ABCF3: variants seen among roughly 807,000 people sequenced by gnomAD.
The protein encoded by ABCF3 is ATP binding cassette subfamily F member 3.
Under a neutral mutation model 94.3 loss-of-function variants are expected in ABCF3, and 62 were observed. The observed-to-expected ratio is 0.66, with a 90% CI of 0.54 to 0.81. The LOEUF is 0.81. ABCF3 is among the 40% of genes least tolerant of loss of function. ABCF3 has a pLI of 0.00. For missense variants in ABCF3, 843 were observed against 925.3 expected (o/e 0.91, Z 1.15); for synonymous variants, 355 against 361.1 (o/e 0.98, Z 0.19).
intron 11 of ABCF3, 38 bp downstream of exon 11, chr3:184,189,315 C>T (rs781261708): frequency 6.2e-7 from 1 of 1,614,170 alleles, no homozygotes; most frequent in South Asian, 1.1e-5. Flanking sequence ...TTAGGATGGG[C>T]AGGGGTGGTA....
rs567604834 is a variant in ABCF3, at chr3:184,186,955, G to A, written c.301+80G>A. On this transcript the variant is annotated intron_variant, in intron 3 of 20. Coordinates refer to ENST00000429586, the MANE Select transcript of ABCF3 (RefSeq NM_018358.3). The stretch of plus-strand genomic sequence containing the variant: ...AACCATCTGCTGCCTGCAGCTTAGG[G>A]CTCCTACGTCTTTTCCACAGGACAA... 2.3e-5 allele frequency: 33 copies of A among 1,419,502 alleles called. No homozygotes were observed. In the African/African-American group the frequency reaches 3.6e-4, roughly 15 times the overall value. 87.9% of individuals were successfully genotyped at this position (1,419,502 alleles called of 1,614,324 possible). A position where few individuals can be genotyped will look rare whatever the true frequency, so the allele number is the denominator to read the frequency against.
At chr3:184,188,493 T>C (rs1715796207) in intron 7 of ABCF3, 86 bp downstream of exon 7, 14 of 1,505,258 alleles carry the variant, frequency 9.3e-6, no homozygotes, top group Non-Finnish European at 1.2e-5. Context: ...AATTTGCATG[T>C]ACATCCTAGT....
intron 5 of ABCF3, 31 bp downstream of exon 5, chr3:184,187,792 G>A (rs1401712103): frequency 3.1e-6 from 5 of 1,614,064 alleles, no homozygotes; most frequent in Non-Finnish European, 3.4e-6. Flanking sequence ...TCAGAAGAGA[G>A]CAGAGCAGCT....
At chr3:184,189,360 C>G in intron 11 of ABCF3, 28 bp from the exon 12 acceptor site, 1 of 1,614,176 alleles carries the variant, frequency 6.2e-7, no homozygotes. Flanking sequence ...CCCTTCAATC[C>G]CAAGTGTGTG....
intron 3 of ABCF3, 180 bp from the exon 4 acceptor site, chr3:184,187,217 A>G (rs1715689605): frequency 2.7e-6 from 2 of 742,584 alleles, no homozygotes. Context: ...CTTCTACGTG[A>G]GTTTTGTTTT....
At position 184,189,667 on chromosome 3, in the gene ABCF3, C is replaced by G; in HGVS notation, c.1224C>G (p.Asp408Glu). 1 of 1,614,200 alleles carries G rather than the reference C, an allele frequency of 6.2e-7. No homozygotes were observed. The highest frequency in any genetic ancestry group is 8.5e-7 in the Non-Finnish European group (1 of 1,180,038). The change falls in exon 13 of 21, where the codon GAC becomes GAG. Residue 408 changes from aspartate (D) to glutamate (E), a missense_variant. Transcript: ENST00000429586. ...AGCGGCTAGATGGTTACCGGGGAGA[C>G]TTTGAGACCTTCATCAAGAGTAAGC... is the stretch of plus-strand genomic sequence containing the variant. ...HSQRLDGYRGDFETFIKSKQE... is the reference protein window; with the variant it reads ...HSQRLDGYRGEFETFIKSKQE...
Position 184,192,701 on chromosome 3 carries a change from C to A in ABCF3, c.1658+12C>A. 6.2e-7 allele frequency: 1 copy of A among 1,610,014 alleles called. No homozygotes were observed. On this transcript the variant is annotated intron_variant, in intron 17 of 20. Coordinates refer to ENST00000429586, the MANE Select transcript of ABCF3 (RefSeq NM_018358.3). ...AGACACGCTCACAGGTCAGGCCCAC[C>A]CGCACCCCTGCCCCCATGAGCACAT...
chr3:184,186,520 C>T lies in ABCF3; in HGVS notation c.87C>T (p.Ser29=), dbSNP rs757786697. 8 of 1,611,390 alleles carry T rather than the reference C, an allele frequency of 5.0e-6. No individual in the cohort carries two copies. Among genetic ancestry groups the T allele is most frequent in the South Asian group, 4.4e-5 (4 of 90,640 alleles). Residue 29 remains serine (S), a synonymous_variant, in exon 2 of 21, where the codon AGC becomes AGT. Transcript: ENST00000429586. ...CGCCCTGCCCAGGCGTCTTGCACAG[C>T]GGCAGCGCGGACTTCGAGTCTGTGG... ...VFDYVTGVLH[S]GSADFESVDD...
chr3:184,191,821 C>G (rs1339871808), intron 16 of ABCF3, among the ~76,000 whole-genome samples: 2 of 146,988 alleles, frequency 1.4e-5, no homozygotes, highest in Non-Finnish European at 3.0e-5. Context: ...AATCTTGGCT[C>G]ACCGCAGCTT....
chr3:184,188,812 G>A lies in ABCF3; in HGVS notation c.888G>A (p.Glu296=). 10 of 1,613,978 alleles carry A rather than the reference G, an allele frequency of 6.2e-6. No individual in the cohort carries two copies. The highest frequency in any genetic ancestry group is 8.5e-6 in the Non-Finnish European group (10 of 1,179,926). ...TGGCAGAAATCTATGCCAAACTGGA[G>A]GAGATTGAGGCTGACAAGGCACCTG... is the stretch of plus-strand genomic sequence containing the variant. ...AELAEIYAKL[E]EIEADKAPAR... Residue 296 remains glutamate, a synonymous_variant, in exon 8 of 21, where the codon GAG becomes GAA. Coordinates refer to ENST00000429586, the MANE Select transcript of ABCF3 (RefSeq NM_018358.3).
In ABCF3 at chr3:184,189,752, A is replaced by G. The variant is rs1230278563; in HGVS notation, c.1309A>G (p.Ile437Val). The change falls in exon 13 of 21, where the codon ATC (isoleucine) becomes GTC (valine). Residue 437 changes from isoleucine (I) to valine (V), a missense_variant. Transcript: ENST00000429586. ...GGCGCAGCAGCAGTATCGCCAGCAC[A>G]TCCAGGTGTGGGGCCTGGCAGGGCT... ...YEAQQQYRQH[I>V]QVFIDRFRYN... is the part of the protein sequence containing the mutation. The G allele has an allele frequency of 1.9e-6, 3 of 1,613,854 alleles. No homozygotes were observed. The highest frequency in any genetic ancestry group is 2.7e-5 in the African/African-American group (2 of 74,942).
At position 184,193,891 on chromosome 3, in the gene ABCF3, G is replaced by A. The variant is rs1477199734; in HGVS notation, c.*193G>A. 2 of 727,320 alleles carry A rather than the reference G, an allele frequency of 2.7e-6. No homozygotes were observed. Among genetic ancestry groups the A allele is most frequent in the Non-Finnish European group, 4.3e-6 (2 of 464,358 alleles). The allele number at this position is 727,320 out of a possible 1,614,324, so 45.1% of individuals were successfully genotyped here. On this transcript the variant is annotated 3_prime_UTR_variant, in exon 21 of 21. Coordinates refer to ENST00000429586, the MANE Select transcript of ABCF3 (RefSeq NM_018358.3). The surrounding 1 kb of genome is among the most constrained non-coding windows in gnomAD (Gnocchi z 5.2). ...CCCATCCAAGGGTTGGTGAGGACTG[G>A]TCTCCCGGGGGTGGGGGTCTGGGGG... is the stretch of plus-strand genomic sequence containing the variant.
chr3:184,187,646 A>G lies in ABCF3; in HGVS notation c.349-18A>G, dbSNP rs1715724774. 2.5e-6 allele frequency: 4 copies of G among 1,613,740 alleles called. No homozygotes were observed. The highest frequency in any genetic ancestry group is 1.3e-5 in the African/African-American group (1 of 74,888). On this transcript the variant is annotated intron_variant, in intron 4 of 20. Coordinates refer to ENST00000429586, the MANE Select transcript of ABCF3 (RefSeq NM_018358.3). Reference sequence around the variant, plus strand: ...GAGCCTACACCCGAGAGTGAAGTCGATGTGTTTGGACCCTTAGACAGTGAA... The same window carrying G: ...GAGCCTACACCCGAGAGTGAAGTCGGTGTGTTTGGACCCTTAGACAGTGAA...
intron 14 of ABCF3, chr3:184,190,169 G>T: frequency 1.7e-6 from 1 of 575,916 alleles, no homozygotes; most frequent in South Asian, 2.1e-5. Context: ...CTTATTCTGG[G>T]CATTTCATAT....
Position 184,192,860 on chromosome 3 carries a change from G to C in ABCF3, c.1714G>C (p.Val572Leu). 6.2e-7 allele frequency: 1 copy of C among 1,614,158 alleles called. No homozygotes were observed. The highest frequency in any genetic ancestry group is 8.5e-7 in the Non-Finnish European group (1 of 1,180,012). Residue 572 changes from valine (V) to leucine (L), a missense_variant, in exon 18 of 21, where the codon GTC (valine) becomes CTC (leucine). By Grantham distance (32) the Val-to-Leu change is conservative. Coordinates refer to ENST00000429586, the MANE Select transcript of ABCF3 (RefSeq NM_018358.3). ...CCATGTGGAGCAGCTGGACCTAAACGTCAGTGCTGTGGAACTGCTGGCACG... is the reference window on the plus strand; with the variant it reads ...CCATGTGGAGCAGCTGGACCTAAACCTCAGTGCTGTGGAACTGCTGGCACG... The part of the protein sequence containing the change: ...QHHVEQLDLN[V>L]SAVELLARKF...
chr3:184,193,730 G>A lies in ABCF3; in HGVS notation c.*32G>A. 3.9e-6 allele frequency: 6 copies of A among 1,555,342 alleles called. No homozygotes were observed. The highest frequency in any genetic ancestry group is 4.4e-6 in the Non-Finnish European group (5 of 1,148,984). ...CAGGCTGAGGACTCGCCCAGGACAT[G>A]GACTGGTCTCTCAGACCCCTGGGCC... On this transcript the variant is annotated 3_prime_UTR_variant, in exon 21 of 21. Transcript: ENST00000429586. The surrounding 1 kb of genome is among the most constrained non-coding windows in gnomAD (Gnocchi z 5.2).
At chr3:184,191,927 G>T (rs1168323877) in intron 16 of ABCF3, among the ~76,000 whole-genome samples, 1 of 151,834 alleles carries the variant, frequency 6.6e-6, no homozygotes, top group Non-Finnish European at 1.5e-5. Flanking sequence ...TGCATTTTTA[G>T]TAGAGATGGG....
rs998657560 is a variant in ABCF3 at position 184,193,366 on chromosome 3, C to T, written c.1885C>T (p.Pro629Ser). 6.2e-7 allele frequency: 1 copy of T among 1,614,144 alleles called. No individual in the cohort carries two copies. Among genetic ancestry groups the T allele is most frequent in the Non-Finnish European group, 8.5e-7 (1 of 1,180,022 alleles). ...VAFAQMTMPC[P>S]NFYILDEPTN... ...CACCTTCCTGGTTCTGCCTTCCAGC[C>T]CCAACTTCTACATTCTGGATGAACC... The change falls in exon 20 of 21, where the codon CCC becomes TCC. Residue 629 changes from proline (P) to serine (S), a missense_variant and splice_region_variant. Physicochemically the swap from Pro to Ser is moderately conservative, Grantham distance 74 (BLOSUM62 -1). Transcript: ENST00000429586. The surrounding 1 kb of genome is among the most constrained non-coding windows in gnomAD (Gnocchi z 5.2).
In ABCF3 at chr3:184,189,137, T is replaced by A. The variant is rs778684167; in HGVS notation, c.1027T>A (p.Phe343Ile). 6.2e-7 allele frequency: 1 copy of A among 1,614,192 alleles called. No homozygotes were observed. The highest frequency in any genetic ancestry group is 8.5e-7 in the Non-Finnish European group (1 of 1,180,020). ...RMRLALARAL[F>I]ARPDLLLLDE... ...GAGGCTGGCCCTGGCCCGGGCCCTC[T>A]TTGCTAGGTGAGTCTCCTGGGCCAG... is the stretch of plus-strand genomic sequence containing the variant. The change falls in exon 10 of 21, where the codon TTT becomes ATT. Residue 343 changes from phenylalanine to isoleucine, a missense_variant. Coordinates refer to ENST00000429586, the MANE Select transcript of ABCF3 (RefSeq NM_018358.3).
Sources: gnomAD v4.1 joint callset for allele counts (sites outside exome capture counted in the v4.1 genomes callset) on GRCh38, gnomAD v4.1.1 for gene constraint, Gnocchi (gnomAD v3.1) non-coding constraint, MANE v1.5 for transcripts, NCBI Gene and HGNC (gene_info 2026-07-23, HGNC 2026-07-21) for gene names.